GON4L: variants seen among roughly 807,000 people sequenced by gnomAD.
GON4L encodes the protein gon-4 like.
Under a neutral mutation model 211.8 loss-of-function variants are expected in GON4L, and 87 were observed. That is an observed-to-expected ratio of 0.41 (90% CI 0.35 to 0.49). The LOEUF is 0.49. Ranked by LOEUF, GON4L falls within the 20% of genes least tolerant of loss-of-function variation. GON4L has a pLI of 0.15. For missense variants in GON4L, 2,155 were observed against 2,659.5 expected, an observed-to-expected ratio of 0.81 and a Z score of 4.17; for synonymous variants, 875 against 962.6, an observed-to-expected ratio of 0.91 and a Z score of 1.68.
At chr1:155,844,082 A>G (rs530113851) in intron 2 of GON4L, among the ~76,000 whole-genome samples, 1 of 152,336 alleles carries the variant, frequency 6.6e-6, no homozygotes, top group African/African-American at 2.4e-5. Flanking sequence ...GAAGTAAAAG[A>G]GCAATAGGAT....
chr1:155,748,189 C>G, downstream of GON4L: 7 of 1,470,942 alleles, frequency 4.8e-6, no homozygotes, highest in Non-Finnish European at 6.4e-6. Context: ...TGCTCCCAGT[C>G]AGTCGCTGTC....
intron 2 of GON4L, among the ~76,000 whole-genome samples, chr1:155,840,503 T>C (rs984283080): frequency 2.0e-5 from 3 of 152,170 alleles, no homozygotes; most frequent in Non-Finnish European, 2.9e-5. Flanking sequence ...ACTGCAAGGT[T>C]GTGATATATT....
At chr1:155,774,790 C>T in intron 17 of GON4L, 1 of 745,540 alleles carries the variant, frequency 1.3e-6, no homozygotes, top group South Asian at 1.7e-5. Flanking sequence ...ATACTGTCCA[C>T]TGCCTCCACA....
chr1:155,836,657 G>A (rs1670349273), intron 2 of GON4L, among the ~76,000 whole-genome samples: 1 of 152,256 alleles, frequency 6.6e-6, no homozygotes, highest in Admixed American at 6.5e-5. Context: ...TAGTCAGTTC[G>A]TTGTCCCCCA....
chr1:155,818,363 C>T (rs1220789277), intron 6 of GON4L, among the ~76,000 whole-genome samples: 2 of 152,132 alleles, frequency 1.3e-5, no homozygotes, highest in Non-Finnish European at 2.9e-5. Flanking sequence ...CCAGCTGCCT[C>T]GGCCTCCCAA....
chr1:155,821,678 G>C (rs1480345029), intron 4 of GON4L, 130 bp from the exon 5 acceptor site: 9 of 683,536 alleles, frequency 1.3e-5, no homozygotes, highest in Non-Finnish European at 2.4e-5. Flanking sequence ...CATCAGACTG[G>C]GGTAAAGCAA....
chr1:155,783,934 C>T, intron 14 of GON4L, 52 bp downstream of exon 14: 2 of 1,609,298 alleles, frequency 1.2e-6, no homozygotes, highest in Non-Finnish European at 1.7e-6. Flanking sequence ...AAAACCTTTT[C>T]AGAAATAAAC....
At chr1:155,777,306 C>T (rs550266163) in intron 15 of GON4L, among the ~76,000 whole-genome samples, 4 of 152,162 alleles carry the variant, frequency 2.6e-5, no homozygotes, top group South Asian at 4.1e-4. Flanking sequence ...AACAGCAGGG[C>T]GCAGTGGCTC....
intron 2 of GON4L, among the ~76,000 whole-genome samples, chr1:155,837,731 TCTGAAG>T (rs1344853748): frequency 9.9e-5 from 15 of 151,982 alleles, no homozygotes; most frequent in South Asian, 2.1e-4. Context: ...CTCCTCCTCC[TCTGAAG>T]CTGAAGGGGG....
chr1:155,748,297 T>C, downstream of GON4L: 1 of 1,296,908 alleles, frequency 7.7e-7, no homozygotes, highest in South Asian at 1.3e-5. Context: ...GGGTCAAACA[T>C]ACCCCTGATT....
At chr1:155,748,053 T>C, downstream of GON4L, 5 of 1,607,336 alleles carry the variant, frequency 3.1e-6, no homozygotes, top group Non-Finnish European at 4.3e-6. Context: ...AGCTCTCGTC[T>C]GCCCCTTGTC....
chr1:155,844,503 T>C (rs1671054240), intron 2 of GON4L, among the ~76,000 whole-genome samples: 1 of 152,098 alleles, frequency 6.6e-6, no homozygotes, highest in South Asian at 2.1e-4. Flanking sequence ...ACGCCTGTAA[T>C]ACCAGTACTT....
intron 10 of GON4L, among the ~76,000 whole-genome samples, chr1:155,809,074 A>G (rs1667438735): frequency 6.6e-6 from 1 of 152,002 alleles, no homozygotes; most frequent in Non-Finnish European, 1.5e-5. Flanking sequence ...CACCACACCT[A>G]TATAATTTTT....
Position 155,762,306 on chromosome 1 carries a change from C to G in GON4L, c.4795G>C (p.Ala1599Pro). 6.2e-7 allele frequency: 1 copy of G among 1,613,714 alleles called. No homozygotes were observed. Among genetic ancestry groups the G allele is most frequent in the Non-Finnish European group, 8.5e-7 (1 of 1,179,768 alleles). ...TTGGAGGTGTCCTTGCTGGCCCGAGCCCGACTTCCCCGCTTGTTGCGAGCT... is the reference window on the plus strand; with the variant it reads ...TTGGAGGTGTCCTTGCTGGCCCGAGGCCGACTTCCCCGCTTGTTGCGAGCT... ...HRARNKRGSR[A>P]RASKDTSKLL... The change falls in exon 23 of 32, where the codon GCT (alanine) becomes CCT (proline). Residue 1599 changes from alanine (A) to proline (P), a missense_variant. Coordinates refer to ENST00000368331, the MANE Select transcript of GON4L (RefSeq NM_001282860.2).
intron 12 of GON4L, among the ~76,000 whole-genome samples, chr1:155,792,334 GA>G (rs1037745646): frequency 9.9e-5 from 15 of 151,192 alleles, no homozygotes; most frequent in Non-Finnish European, 1.9e-4. Context: ...ACAAGAGGCA[GA>G]AAAAAAAATT....
chr1:155,747,837 G>A (rs565514945), downstream of GON4L: 5 of 1,597,310 alleles, frequency 3.1e-6, no homozygotes, highest in Non-Finnish European at 4.3e-6. Flanking sequence ...GCTACAAGAT[G>A]AATATTCAGG....
downstream of GON4L, among the ~76,000 whole-genome samples, chr1:155,745,645 C>T (rs1294553976): frequency 6.6e-6 from 1 of 152,194 alleles, no homozygotes; most frequent in African/African-American, 2.4e-5. Flanking sequence ...ACAGAGAAGC[C>T]GGACTGGGCC....
At chr1:155,775,836 G>C (rs534246232) in intron 16 of GON4L, among the ~76,000 whole-genome samples, 182 of 152,146 alleles carry the variant, frequency 1.2e-3, no homozygotes, top group Non-Finnish European at 1.8e-3. Flanking sequence ...CCAGGCTTGA[G>C]TGCAGTGGCG....
chr1:155,750,150 G>A lies in GON4L; in HGVS notation c.*434C>T. On this transcript the variant is annotated 3_prime_UTR_variant, in exon 32 of 32. Coordinates refer to ENST00000368331, the MANE Select transcript of GON4L (RefSeq NM_001282860.2). ...CCTCGTGGACTAAAGTTCCCAGTGT[G>A]GGAGAAAGGAGCTAGTTTGCAATAA... 2 of 602,846 alleles carry A rather than the reference G, an allele frequency of 3.3e-6. No homozygotes were observed. Among genetic ancestry groups the A allele is most frequent in the South Asian group, 4.0e-5 (2 of 49,624 alleles). The allele number at this position is 602,846 out of a possible 1,614,324, so 37.3% of individuals were successfully genotyped here. A position where few individuals can be genotyped will look rare whatever the true frequency, so the allele number is the denominator to read the frequency against.
Sources: allele counts gnomAD v4.1 joint callset (sites outside exome capture counted in the v4.1 genomes callset), GRCh38; gene constraint gnomAD v4.1.1; transcripts MANE v1.5; gene names NCBI Gene and HGNC (gene_info 2026-07-23, HGNC 2026-07-21).